The following RPS6KA5 variants were observed in gnomAD, a reference collection of about 807,000 sequenced individuals.
The protein encoded by RPS6KA5 is ribosomal protein S6 kinase alpha-5.
RPS6KA5 carries 27 observed loss-of-function variants against 85.5 expected under a neutral mutation model. That is an observed-to-expected ratio of 0.32 (90% CI 0.23 to 0.44). The LOEUF (loss-of-function observed/expected upper bound fraction) is 0.44. RPS6KA5 is among the 20% of genes least tolerant of loss of function. RPS6KA5 has a pLI of 1.00. For missense variants in RPS6KA5, 811 were observed against 980.9 expected, an observed-to-expected ratio of 0.83 and a Z score of 2.31; for synonymous variants, 334 against 348.2, an observed-to-expected ratio of 0.96 and a Z score of 0.46.
At position 90,857,049 on chromosome 14, in the gene RPS6KA5, T is replaced by C. The variant is rs1022571019; in HGVS notation, c.*15025A>G. 6.6e-6 allele frequency: 1 copy of C among 152,286 alleles called. No homozygotes were observed. Among genetic ancestry groups the C allele is most frequent in the Non-Finnish European group, 1.5e-5 (1 of 68,110 alleles). The allele number at this position is 152,286 out of a possible 1,614,324, so 9.4% of individuals were successfully genotyped here. ...AATCTGTCCTCCCAGTGCAGCCTAG[T>C]TTCTATGGAGCTACCATATATGACA... On this transcript the variant is annotated 3_prime_UTR_variant, in exon 17 of 17. Transcript: ENST00000614987.
At chr14:91,035,890 C>A in intron 1 of RPS6KA5, among the ~76,000 whole-genome samples, 1 of 80,352 alleles carries the variant, frequency 1.2e-5, no homozygotes, top group South Asian at 4.0e-4. Flanking sequence ...AACCCCAAAG[C>A]TGAAGAATAT....
At chr14:91,031,115 C>G (rs2042171000) in intron 1 of RPS6KA5, among the ~76,000 whole-genome samples, 1 of 151,976 alleles carries the variant, frequency 6.6e-6, no homozygotes, top group African/African-American at 2.4e-5. Context: ...ATCCTAAAAC[C>G]TTCCAGAGAT....
Position 90,851,947 on chromosome 14 carries a change from C to CA in RPS6KA5, c.*20126dup, listed in dbSNP as rs969820313. Reference sequence around the variant, plus strand: ...AATCATCTCACAGCGTTTATTTGAACAAAAAAGACAGAATTTAATATATTC... The same window carrying CA: ...AATCATCTCACAGCGTTTATTTGAACAAAAAAAGACAGAATTTAATATATTC... On this transcript the variant is annotated 3_prime_UTR_variant, in exon 17 of 17. Coordinates refer to ENST00000614987, the MANE Select transcript of RPS6KA5 (RefSeq NM_004755.4). 1 of 151,422 alleles carries CA rather than the reference C, an allele frequency of 6.6e-6. No individual in the cohort carries two copies. Among genetic ancestry groups the CA allele is most frequent in the African/African-American group, 2.4e-5 (1 of 41,178 alleles). 9.4% of individuals were successfully genotyped at this position (151,422 alleles called of 1,614,324 possible). A position where few individuals can be genotyped will look rare whatever the true frequency, so the allele number is the denominator to read the frequency against.
intron 14 of RPS6KA5, among the ~76,000 whole-genome samples, chr14:90,884,473 T>G (rs1261972035): frequency 3.9e-5 from 6 of 152,170 alleles, no homozygotes; most frequent in African/African-American, 1.2e-4. Context: ...TCCAAAATAC[T>G]TCTGGTCCCA....
At chr14:90,886,623 T>C (rs909691735) in intron 14 of RPS6KA5, among the ~76,000 whole-genome samples, 7 of 152,228 alleles carry the variant, frequency 4.6e-5, no homozygotes, top group African/African-American at 1.7e-4. Flanking sequence ...CAGGTGGCCA[T>C]CTGTAATCCA....
At chr14:90,956,028 C>T (rs539234318) in intron 3 of RPS6KA5, among the ~76,000 whole-genome samples, 2 of 152,110 alleles carry the variant, frequency 1.3e-5, no homozygotes, top group African/African-American at 4.8e-5. Context: ...AAAGAAAAAA[C>T]CGTTTAACAA....
At chr14:91,025,412 GA>G (rs1222181230) in intron 1 of RPS6KA5, among the ~76,000 whole-genome samples, 3 of 152,118 alleles carry the variant, frequency 2.0e-5, no homozygotes, top group Non-Finnish European at 4.4e-5. Context: ...GACTACTGCA[GA>G]AGAGCCCTAT....
intron 5 of RPS6KA5, among the ~76,000 whole-genome samples, chr14:90,925,342 A>G (rs2036600614): frequency 6.6e-6 from 1 of 152,206 alleles, no homozygotes; most frequent in South Asian, 2.1e-4. Flanking sequence ...AGAAAGCTAA[A>G]CCTCAGTGAA....
At position 90,858,834 on chromosome 14, in the gene RPS6KA5, G is replaced by C. The variant is rs1041596402; in HGVS notation, c.*13240C>G. On this transcript the variant is annotated 3_prime_UTR_variant, in exon 17 of 17. Transcript: ENST00000614987. ...CTAGCAGCAAGCAGTAATCCCACTTGGTTGAAGAGACAAAAGTTGGAGCTT... is the reference window on the plus strand; with the variant it reads ...CTAGCAGCAAGCAGTAATCCCACTTCGTTGAAGAGACAAAAGTTGGAGCTT... The C allele has an allele frequency of 6.6e-6, 1 of 152,196 alleles. No individual in the cohort carries two copies. Among genetic ancestry groups the C allele is most frequent in the African/African-American group, 2.4e-5 (1 of 41,442 alleles). 9.4% of individuals were successfully genotyped at this position (152,196 alleles called of 1,614,324 possible).
chr14:90,913,855 A>T (rs2035963569), intron 7 of RPS6KA5, among the ~76,000 whole-genome samples: 1 of 152,224 alleles, frequency 6.6e-6, no homozygotes, highest in African/African-American at 2.4e-5. Flanking sequence ...ACTCAGAAGC[A>T]GACTTCAATG....
intron 5 of RPS6KA5, among the ~76,000 whole-genome samples, chr14:90,923,428 T>TCATCCATCCATCCATCCATC (rs3832953): frequency 4.7e-4 from 71 of 150,940 alleles, no homozygotes; most frequent in African/African-American, 1.7e-3. Flanking sequence ...AATGGTACCA[T>TCATCCATCCATCCATCCATC]CATCCATCCA....
chr14:90,983,623 A>G (rs1240485073), intron 2 of RPS6KA5, among the ~76,000 whole-genome samples: 1 of 151,274 alleles, frequency 6.6e-6, no homozygotes. Flanking sequence ...AAGAAAGAAG[A>G]GAGAGAGAAA....
At chr14:90,998,518 A>G (rs1401590261) in intron 2 of RPS6KA5, among the ~76,000 whole-genome samples, 1 of 152,226 alleles carries the variant, frequency 6.6e-6, no homozygotes, top group Non-Finnish European at 1.5e-5. Flanking sequence ...ACTATTTTTA[A>G]GGGAACTGAG....
intron 3 of RPS6KA5, among the ~76,000 whole-genome samples, chr14:90,951,494 A>C (rs1475556238): frequency 3.9e-5 from 6 of 152,096 alleles, no homozygotes; most frequent in African/African-American, 1.4e-4. Flanking sequence ...AAAACAAAAA[A>C]CAAAAAACCT....
chr14:91,016,644 T>G (rs1764903297), intron 1 of RPS6KA5, among the ~76,000 whole-genome samples: 1 of 152,066 alleles, frequency 6.6e-6, no homozygotes. Flanking sequence ...CTCGATAAAG[T>G]GAGGGATGCA....
chr14:91,035,706 C>T (rs1448693240), intron 1 of RPS6KA5, among the ~76,000 whole-genome samples: 1 of 151,824 alleles, frequency 6.6e-6, no homozygotes, highest in Non-Finnish European at 1.5e-5. Context: ...AAAGCTACTG[C>T]ACAGGAGGGG....
chr14:90,995,464 T>C (rs577558950), intron 2 of RPS6KA5, among the ~76,000 whole-genome samples: 1 of 152,286 alleles, frequency 6.6e-6, no homozygotes, highest in South Asian at 2.1e-4. Flanking sequence ...GGCTAGATTT[T>C]TATTTTCTCA....
chr14:90,906,191 A>C lies in RPS6KA5; in HGVS notation c.915T>G (p.Gly305=). ...MKDPKKRLGC[G]PRDADEIKEH... ...CTTTGATTTCATCTGCATCACGTGG[A>C]CCACATCCCAATCTCTTCTTGGGAT... The change falls in exon 8 of 17, where the codon GGT becomes GGG. Residue 305 remains glycine (G), a synonymous_variant. Coordinates refer to ENST00000614987, the MANE Select transcript of RPS6KA5 (RefSeq NM_004755.4). The C allele has an allele frequency of 6.2e-7, 1 of 1,612,746 alleles. No individual in the cohort carries two copies. Among genetic ancestry groups the C allele is most frequent in the South Asian group, 1.1e-5 (1 of 90,924 alleles).
intron 1 of RPS6KA5, among the ~76,000 whole-genome samples, chr14:91,034,465 G>T (rs570018853): frequency 4.6e-5 from 7 of 152,016 alleles, no homozygotes; most frequent in African/African-American, 1.5e-4. Flanking sequence ...CTAGCTAAAG[G>T]ACTGTAAATG....
Sources: gnomAD v4.1 joint callset for allele counts (sites outside exome capture counted in the v4.1 genomes callset) on GRCh38, gnomAD v4.1.1 for gene constraint, MANE v1.5 for transcripts, NCBI Gene and HGNC (gene_info 2026-07-23, HGNC 2026-07-21) for gene names.